KCTD8: variants seen among roughly 807,000 people sequenced by gnomAD.
KCTD8 encodes BTB/POZ domain-containing protein KCTD8.
A neutral mutation model predicts 31.5 loss-of-function variants in KCTD8; 27 were observed. The ratio of observed to expected loss-of-function variants is 0.86; its 90% confidence interval spans 0.63 to 1.18. KCTD8 has a LOEUF of 1.18. Ranked by LOEUF, KCTD8 falls within the 50% of genes most tolerant of loss-of-function variation. KCTD8 has a pLI of 0.00. For missense variants in KCTD8, 658 were observed against 647.7 expected (o/e 1.02, Z -0.17); for synonymous variants, 290 against 280.0 (o/e 1.04, Z -0.36).
chr4:44,384,979 T>C (rs1247668199), intron 1 of KCTD8, among the ~76,000 whole-genome samples: 3 of 142,734 alleles, frequency 2.1e-5, no homozygotes, highest in Admixed American at 1.4e-4. Flanking sequence ...ATGAGAAGAA[T>C]ATAGACCAAA....
chr4:44,437,607 T>G (rs1009869700), intron 1 of KCTD8, among the ~76,000 whole-genome samples: 1 of 152,140 alleles, frequency 6.6e-6, no homozygotes, highest in African/African-American at 2.4e-5. Flanking sequence ...AAATGTTTTA[T>G]TAATAGCAAT....
intron 1 of KCTD8, among the ~76,000 whole-genome samples, chr4:44,301,489 ATG>A (rs1349515638): frequency 6.6e-6 from 1 of 152,080 alleles, no homozygotes; most frequent in African/African-American, 2.4e-5. Context: ...ATTTTTTCAT[ATG>A]TCTTTTGGCT....
At chr4:44,287,229 C>T (rs1321806416) in intron 1 of KCTD8, among the ~76,000 whole-genome samples, 1 of 151,788 alleles carries the variant, frequency 6.6e-6, no homozygotes, top group African/African-American at 2.4e-5. Context: ...CCAGCCTGGA[C>T]AAAAATAGCG....
intron 1 of KCTD8, among the ~76,000 whole-genome samples, chr4:44,316,350 CTTTTG>C (rs1269615931): frequency 6.6e-6 from 1 of 151,790 alleles, no homozygotes; most frequent in East Asian, 1.9e-4. Context: ...GTTAAGGTTT[CTTTTG>C]TTTTGTTTTT....
Position 44,361,393 on chromosome 4 carries a change from T to C in KCTD8, c.961+86170A>G, listed in dbSNP as rs113075262. On this transcript the variant is annotated intron_variant, in intron 1 of 1. Coordinates refer to ENST00000360029, the MANE Select transcript of KCTD8 (RefSeq NM_198353.3). ...TCTCTACAAAAGACCACTCACTCAA[T>C]AATACAATGGAGCCTTCGGTGTTGA... Among the ~76,000 whole-genome samples the C allele has an allele frequency of 7.3e-3, 1,115 of 152,104 alleles. 15 individuals carry two copies. The highest frequency in any genetic ancestry group is 0.026 in the African/African-American group (1,067 of 41,534).
At chr4:44,444,449 A>G (rs895617552) in intron 1 of KCTD8, among the ~76,000 whole-genome samples, 3 of 152,254 alleles carry the variant, frequency 2.0e-5, no homozygotes, top group African/African-American at 7.2e-5. Context: ...TAATTTTTCC[A>G]TTAACTTTAC....
intron 1 of KCTD8, among the ~76,000 whole-genome samples, chr4:44,405,065 C>A (rs1451315192): frequency 6.6e-6 from 1 of 152,070 alleles, no homozygotes; most frequent in East Asian, 1.9e-4. Flanking sequence ...GGTTTCTTAA[C>A]TTAGATCTGA....
At chr4:44,275,218 G>A (rs1367951067) in intron 1 of KCTD8, among the ~76,000 whole-genome samples, 1 of 151,896 alleles carries the variant, frequency 6.6e-6, no homozygotes. Context: ...GCATATAAAA[G>A]ATTGGTTCTT....
chr4:44,344,227 C>A (rs115418889), intron 1 of KCTD8, among the ~76,000 whole-genome samples: 4 of 151,780 alleles, frequency 2.6e-5, no homozygotes, highest in African/African-American at 9.7e-5. Flanking sequence ...CTCTGTCGCC[C>A]AGGCTGCAGT....
intron 1 of KCTD8, among the ~76,000 whole-genome samples, chr4:44,265,201 G>A (rs1716307810): frequency 6.6e-6 from 1 of 152,120 alleles, no homozygotes; most frequent in African/African-American, 2.4e-5. Context: ...AAAACTTCCA[G>A]AGGAACGATC....
intron 1 of KCTD8, among the ~76,000 whole-genome samples, chr4:44,221,070 C>A (rs1714793054): frequency 6.6e-6 from 1 of 152,178 alleles, no homozygotes; most frequent in Admixed American, 6.5e-5. Flanking sequence ...CAGCAGGACC[C>A]ATGGTTATCC....
chr4:44,292,294 T>G (rs367651169), intron 1 of KCTD8, among the ~76,000 whole-genome samples: 1 of 152,034 alleles, frequency 6.6e-6, no homozygotes, highest in East Asian at 1.9e-4. Flanking sequence ...TATGCAACCA[T>G]AAAAAGAATA....
At position 44,216,645 on chromosome 4, in the gene KCTD8, T is replaced by C. The variant is rs192329437; in HGVS notation, c.962-41395A>G. 2.6e-5 allele frequency among the ~76,000 whole-genome samples: 4 copies of C among 152,300 alleles called. No homozygotes were observed. The East Asian group carries it at 7.7e-4, about 29-fold the overall frequency. On this transcript the variant is annotated intron_variant, in intron 1 of 1. Coordinates refer to ENST00000360029, the MANE Select transcript of KCTD8 (RefSeq NM_198353.3). ...AAGTTAAAAAAAATGTTTTCTGTTA[T>C]TGCAAAACAAAACCTGTGTGTCACA...
chr4:44,303,175 A>G (rs182989090), intron 1 of KCTD8, among the ~76,000 whole-genome samples: 62 of 152,212 alleles, frequency 4.1e-4, no homozygotes, highest in African/African-American at 1.4e-3. Context: ...TTGGTCTAAA[A>G]TTCTCTTTTT....
rs6810617 is a variant in KCTD8, at chr4:44,273,744, C to T, written c.962-98494G>A. 9.5e-3 allele frequency among the ~76,000 whole-genome samples: 1,442 copies of T among 151,982 alleles called. 22 individuals carry two copies. Among genetic ancestry groups the T allele is most frequent in the African/African-American group, 0.033 (1,370 of 41,532 alleles). ...AACACATGTGACAGGGCAAACCCAA[C>T]ATGTCAGTTAAGCCAAATAATCTGG... is the stretch of plus-strand genomic sequence containing the variant. On this transcript the variant is annotated intron_variant, in intron 1 of 1. Coordinates refer to ENST00000360029, the MANE Select transcript of KCTD8 (RefSeq NM_198353.3).
At chr4:44,294,868 C>T (rs1226819150) in intron 1 of KCTD8, among the ~76,000 whole-genome samples, 1 of 152,192 alleles carries the variant, frequency 6.6e-6, no homozygotes, top group African/African-American at 2.4e-5. Flanking sequence ...TAAGGTCCCA[C>T]TTTTATCTAG....
chr4:44,330,335 T>C (rs1189495828), intron 1 of KCTD8, among the ~76,000 whole-genome samples: 1 of 151,968 alleles, frequency 6.6e-6, no homozygotes, highest in East Asian at 1.9e-4. Flanking sequence ...CATAACACTG[T>C]CACTAGATAG....
intron 1 of KCTD8, among the ~76,000 whole-genome samples, chr4:44,342,352 G>A (rs1718924682): frequency 7.5e-6 from 1 of 133,370 alleles, no homozygotes; most frequent in Admixed American, 8.3e-5. Flanking sequence ...CTGGGCTAAT[G>A]AGCAAGACTG....
intron 1 of KCTD8, among the ~76,000 whole-genome samples, chr4:44,182,826 G>A (rs986823234): frequency 1.3e-5 from 2 of 152,176 alleles, no homozygotes; most frequent in African/African-American, 2.4e-5. Flanking sequence ...TACTAGATTT[G>A]TTATTCTAAG....
Sources: allele counts gnomAD v4.1 joint callset (sites outside exome capture counted in the v4.1 genomes callset), GRCh38; gene constraint gnomAD v4.1.1; transcripts MANE v1.5; gene names NCBI Gene and HGNC (gene_info 2026-07-23, HGNC 2026-07-21).